Variants in INPP5B observed in about 807,000 individuals in gnomAD.
INPP5B encodes inositol polyphosphate-5-phosphatase B.
INPP5B carries 90 observed loss-of-function variants against 118.5 expected under a neutral mutation model. That is an observed-to-expected ratio of 0.76 (90% CI 0.64 to 0.90). The LOEUF (loss-of-function observed/expected upper bound fraction) is 0.90. INPP5B is among the 40% of genes least tolerant of loss of function. The pLI is 0.00. For missense variants in INPP5B, 984 were observed against 1,125.6 expected (o/e 0.87, Z 1.80); for synonymous variants, 385 against 418.9 (o/e 0.92, Z 0.99).
At chr1:37,870,270 C>A (rs1281851773) in intron 19 of INPP5B, among the ~76,000 whole-genome samples, 1 of 152,032 alleles carries the variant, frequency 6.6e-6, no homozygotes, top group African/African-American at 2.4e-5. Context: ...CCCCCATACC[C>A]AGCTCATTTC....
Position 37,880,213 on chromosome 1 carries a change from G to GAA in INPP5B, c.1432-21_1432-20dup. 6 of 1,492,038 alleles carry GAA rather than the reference G, an allele frequency of 4.0e-6. No individual in the cohort carries two copies. Among genetic ancestry groups the GAA allele is most frequent in the African/African-American group, 2.8e-5 (2 of 71,758 alleles). The allele number at this position is 1,492,038 out of a possible 1,614,324, so 92.4% of individuals were successfully genotyped here. Reference sequence around the variant, plus strand: ...TTTTCAGCTATACAAAAGGATGGGAGAAAAAAAAATATCAGAATAAAAAGG... The same window carrying GAA: ...TTTTCAGCTATACAAAAGGATGGGAGAAAAAAAAAAATATCAGAATAAAAAGG... On this transcript the variant is annotated intron_variant, in intron 14 of 23. Transcript: ENST00000373024.
chr1:37,871,642 C>T (rs1026828588), intron 19 of INPP5B, among the ~76,000 whole-genome samples: 78 of 151,888 alleles, frequency 5.1e-4, no homozygotes, highest in African/African-American at 1.8e-3. Context: ...GTGGCTCACG[C>T]CTGTAATCCT....
intron 6 of INPP5B, among the ~76,000 whole-genome samples, chr1:37,932,255 CG>C (rs1213231075): frequency 6.6e-6 from 1 of 152,052 alleles, no homozygotes; most frequent in Non-Finnish European, 1.5e-5. Flanking sequence ...TTGAACCTCA[CG>C]GTAACTATGT....
intron 7 of INPP5B, among the ~76,000 whole-genome samples, chr1:37,904,369 A>AT (rs949684630): frequency 1.7e-4 from 26 of 151,482 alleles, no homozygotes; most frequent in South Asian, 4.2e-4. Context: ...GGGAATGTGG[A>AT]TTTTTTTTTC....
In INPP5B at chr1:37,862,035, CAAAAT is replaced by C. The variant is rs1641728881; in HGVS notation, c.*275_*279del. On this transcript the variant is annotated 3_prime_UTR_variant, in exon 24 of 24. Transcript: ENST00000373024. ...TGCGCGACAGAGCAAAACTCCGTCT[CAAAAT>C]AAAAAAAAATAAAAAATAAAAAAAT... is the stretch of plus-strand genomic sequence containing the variant. 1.4e-5 allele frequency: 4 copies of C among 288,280 alleles called. No individual in the cohort carries two copies. The highest frequency in any genetic ancestry group is 1.0e-4 in the South Asian group (2 of 19,472). The allele number at this position is 288,280 out of a possible 1,614,324, so 17.9% of individuals were successfully genotyped here. A position where few individuals can be genotyped will look rare whatever the true frequency, so the allele number is the denominator to read the frequency against.
intron 14 of INPP5B, among the ~76,000 whole-genome samples, chr1:37,881,042 A>G (rs1216460101): frequency 6.6e-6 from 1 of 152,206 alleles, no homozygotes; most frequent in Non-Finnish European, 1.5e-5. Flanking sequence ...TCATAAGAGC[A>G]TAGCTACACC....
intron 21 of INPP5B, 106 bp downstream of exon 21, chr1:37,866,353 T>C: frequency 1.5e-6 from 1 of 655,730 alleles, no homozygotes; most frequent in Non-Finnish European, 2.7e-6. Flanking sequence ...AGCCATAAAA[T>C]ACTTTACTTT....
chr1:37,946,329 C>A lies in INPP5B; in HGVS notation c.-21G>T. 6.2e-7 allele frequency: 1 copy of A among 1,608,120 alleles called. No homozygotes were observed. Among genetic ancestry groups the A allele is most frequent in the East Asian group, 2.2e-5 (1 of 44,758 alleles). ...TCCATGCTGGCCCCTGCTGAGCGCA[C>A]ACACCCTGTGGGAGGGGAGATAGGA... On this transcript the variant is annotated 5_prime_UTR_variant, in exon 2 of 24. Coordinates refer to ENST00000373024, the MANE Select transcript of INPP5B (RefSeq NM_005540.3).
rs376054256 is a variant in INPP5B, at chr1:37,943,831, A to G, written c.215T>C (p.Ile72Thr). ...CGTAAAATCCCGCGAGACTGGCACTATCTGGTCCAGAGAGACATCGTCCCC... is the reference window on the plus strand; with the variant it reads ...CGTAAAATCCCGCGAGACTGGCACTGTCTGGTCCAGAGAGACATCGTCCCC... ...ITGDDVSLDQ[I>T]VPVSRDFTLE... The change falls in exon 4 of 24, where the codon ATA becomes ACA. Residue 72 changes from isoleucine (I) to threonine (T), a missense_variant. Physicochemically the swap from Ile to Thr is moderately conservative, Grantham distance 89. Coordinates refer to ENST00000373024, the MANE Select transcript of INPP5B (RefSeq NM_005540.3). 2.0e-5 allele frequency: 32 copies of G among 1,614,112 alleles called. 1 individual carries two copies. The highest frequency in any genetic ancestry group is 6.7e-5 in the East Asian group (3 of 44,876).
intron 5 of INPP5B, chr1:37,942,284 A>T (rs992050669): frequency 1.3e-5 from 2 of 151,544 alleles, no homozygotes; most frequent in Admixed American, 6.6e-5. Flanking sequence ...AATACAAAAA[A>T]TTAGCCGGGT....
At position 37,919,836 on chromosome 1, in the gene INPP5B, G is replaced by A. The variant is rs1239988761; in HGVS notation, c.532+12077C>T. Among the ~76,000 whole-genome samples the A allele has an allele frequency of 1.3e-5, 2 of 151,954 alleles. 1 individual carries two copies. The highest frequency in any genetic ancestry group is 3.9e-4 in the East Asian group (2 of 5,180). Reference sequence around the variant, plus strand: ...CAGGCGCCTATAATCCCAGCTACTCGGGAGGCTGAGGCACAAGAATCACTT... The same window carrying A: ...CAGGCGCCTATAATCCCAGCTACTCAGGAGGCTGAGGCACAAGAATCACTT... On this transcript the variant is annotated intron_variant, in intron 7 of 23. Coordinates refer to ENST00000373024, the MANE Select transcript of INPP5B (RefSeq NM_005540.3).
chr1:37,907,714 C>T lies in INPP5B; in HGVS notation c.533-16260G>A, dbSNP rs569340443. Among the ~76,000 whole-genome samples the T allele has an allele frequency of 1.2e-4, 18 of 152,306 alleles. No individual in the cohort carries two copies. Among genetic ancestry groups the T allele is most frequent in the Admixed American group, 2.6e-4 (4 of 15,298 alleles). On this transcript the variant is annotated intron_variant, in intron 7 of 23. Transcript: ENST00000373024. The surrounding 1 kb of genome is among the most constrained non-coding windows in gnomAD (Gnocchi z 4.3). ...GGCCATGAGAGTGACCCACCTCGTC[C>T]TCATTGCTACATTCCCTCCAGTGCC... is the stretch of plus-strand genomic sequence containing the variant.
At chr1:37,927,971 G>C (rs1645301949) in intron 7 of INPP5B, among the ~76,000 whole-genome samples, 1 of 152,182 alleles carries the variant, frequency 6.6e-6, no homozygotes, top group South Asian at 2.1e-4. Context: ...CAAAGGCAAA[G>C]AATGAAGACC....
At chr1:37,942,562 A>G (rs1645972655) in intron 5 of INPP5B, among the ~76,000 whole-genome samples, 1 of 152,182 alleles carries the variant, frequency 6.6e-6, no homozygotes, top group Admixed American at 6.5e-5. Context: ...GACAGACATT[A>G]AATATGTCAA....
chr1:37,883,927 A>T, intron 13 of INPP5B: 1 of 867,506 alleles, frequency 1.2e-6, no homozygotes, highest in Non-Finnish European at 1.4e-6. Flanking sequence ...CTTTGACTTT[A>T]GACAAAGAGG....
At chr1:37,931,258 C>A (rs575359514) in intron 7 of INPP5B, 2 of 408,216 alleles carry the variant, frequency 4.9e-6, no homozygotes, top group Non-Finnish European at 9.0e-6. Flanking sequence ...CAACACATAC[C>A]ATACCTCACC....
chr1:37,908,411 T>C (rs1484044501), intron 7 of INPP5B, among the ~76,000 whole-genome samples: 1 of 152,040 alleles, frequency 6.6e-6, no homozygotes. Flanking sequence ...TCCCTGTCCT[T>C]CCAATTCCAA....
chr1:37,900,651 G>C (rs1425778377), intron 7 of INPP5B, among the ~76,000 whole-genome samples: 1 of 145,522 alleles, frequency 6.9e-6, no homozygotes, highest in East Asian at 2.0e-4. Context: ...TTGAGACAGA[G>C]TCTCACTCAC....
intron 6 of INPP5B, among the ~76,000 whole-genome samples, chr1:37,934,174 C>T (rs376779459): frequency 3.3e-5 from 5 of 151,944 alleles, no homozygotes; most frequent in South Asian, 2.1e-4. Context: ...CCTCATGATC[C>T]GCCCACCTCA....
Sources: gnomAD v4.1 joint callset for allele counts (sites outside exome capture counted in the v4.1 genomes callset) on GRCh38, gnomAD v4.1.1 for gene constraint, Gnocchi (gnomAD v3.1) non-coding constraint, MANE v1.5 for transcripts, NCBI Gene and HGNC (gene_info 2026-07-23, HGNC 2026-07-21) for gene names.